AIM2: variants seen among roughly 807,000 people sequenced by gnomAD.
The protein encoded by AIM2 is interferon-inducible protein AIM2.
AIM2 carries 30 observed loss-of-function variants against 27.7 expected under a neutral mutation model. That is an observed-to-expected ratio of 1.08 (90% confidence interval 0.81 to 1.47). The LOEUF is 1.47. AIM2 is among the 40% of genes most tolerant of loss of function. AIM2 has a pLI of 0.00. For synonymous variants in AIM2, 141 were observed against 145.3 expected (o/e 0.97, Z 0.21); for missense variants, 358 against 411.3 (o/e 0.87, Z 1.12).
intron 1 of AIM2, among the ~76,000 whole-genome samples, chr1:159,111,374 T>C (rs941365517): frequency 1.3e-5 from 2 of 152,152 alleles, no homozygotes; most frequent in African/African-American, 4.8e-5. Context: ...TTAAAACTAG[T>C]TAGGTGGTGG....
At chr1:159,081,641 C>A, upstream of AIM2, 1 of 306,504 alleles carries the variant, frequency 3.3e-6, no homozygotes, top group South Asian at 3.3e-5. Flanking sequence ...ACCTTGGTAA[C>A]ACATTCAAAG....
At chr1:159,127,862 T>C (rs993961234) in intron 1 of AIM2, among the ~76,000 whole-genome samples, 1 of 152,214 alleles carries the variant, frequency 6.6e-6, no homozygotes, top group Non-Finnish European at 1.5e-5. Context: ...CACTTTGTTG[T>C]AGCAGCCCTT....
chr1:159,139,365 C>A (rs1012196383), intron 1 of AIM2, among the ~76,000 whole-genome samples: 3 of 152,226 alleles, frequency 2.0e-5, no homozygotes, highest in Admixed American at 1.3e-4. Context: ...GCTGAGCATT[C>A]AGACCCTTTC....
intron 1 of AIM2, among the ~76,000 whole-genome samples, chr1:159,116,006 T>C (rs1254682309): frequency 6.6e-6 from 1 of 151,940 alleles, no homozygotes; most frequent in Non-Finnish European, 1.5e-5. Context: ...AACAACCCCA[T>C]CAATAAGTGG....
intron 1 of AIM2, among the ~76,000 whole-genome samples, chr1:159,088,384 G>A (rs959187724): frequency 6.6e-6 from 1 of 152,172 alleles, no homozygotes; most frequent in East Asian, 1.9e-4. Context: ...CCCGATGTTT[G>A]CTGCTTCATA....
intron 1 of AIM2, among the ~76,000 whole-genome samples, chr1:159,114,769 G>T (rs940662426): frequency 1.3e-5 from 2 of 152,058 alleles, no homozygotes; most frequent in Non-Finnish European, 2.9e-5. Flanking sequence ...TTGAAAACTG[G>T]CACAAGACAG....
intron 1 of AIM2, among the ~76,000 whole-genome samples, chr1:159,112,126 C>T (rs1025661587): frequency 6.6e-5 from 10 of 151,984 alleles, no homozygotes; most frequent in East Asian, 3.9e-4. Context: ...TTAAACTTGC[C>T]GGTTAAAACA....
chr1:159,101,346 G>A (rs1657309040), intron 1 of AIM2, among the ~76,000 whole-genome samples: 1 of 152,124 alleles, frequency 6.6e-6, no homozygotes, highest in African/African-American at 2.4e-5. Flanking sequence ...TAAAATTCCT[G>A]AGGCCTCCCC....
chr1:159,072,331 C>T (rs1403666535), intron 2 of AIM2, among the ~76,000 whole-genome samples: 1 of 152,210 alleles, frequency 6.6e-6, no homozygotes, highest in Admixed American at 6.5e-5. Context: ...ATTTAGCCTT[C>T]CTATAACTCA....
chr1:159,123,177 C>A (rs1295371611), intron 1 of AIM2, among the ~76,000 whole-genome samples: 1 of 152,090 alleles, frequency 6.6e-6, no homozygotes, highest in Non-Finnish European at 1.5e-5. Flanking sequence ...TTATAGCTTA[C>A]AAGCCCTTTA....
intron 2 of AIM2, among the ~76,000 whole-genome samples, chr1:159,071,617 C>T (rs1003243016): frequency 6.6e-6 from 1 of 152,182 alleles, no homozygotes; most frequent in Non-Finnish European, 1.5e-5. Context: ...TCAAGTGATT[C>T]TCGTGCCTCA....
intron 1 of AIM2, among the ~76,000 whole-genome samples, chr1:159,137,905 C>T (rs776465094): frequency 4.6e-5 from 7 of 152,188 alleles, no homozygotes; most frequent in Non-Finnish European, 1.0e-4. Context: ...GTCAGCAGTG[C>T]AGCATGCCTG....
chr1:159,063,755 G>T, intron 4 of AIM2, 81 bp from the exon 5 acceptor site: 1 of 1,378,092 alleles, frequency 7.3e-7, no homozygotes, highest in Non-Finnish European at 1.0e-6. Flanking sequence ...CATGCCAGAA[G>T]AAGGCTCTAA....
At chr1:159,057,076 G>A in the AIM2 span, among the ~76,000 whole-genome samples, 1 of 152,292 alleles carries the variant, frequency 6.6e-6, no homozygotes, top group Non-Finnish European at 1.5e-5. Context: ...CATGGTACAT[G>A]AGGGAGAGAA....
At chr1:159,085,077 C>T (rs1458776355) in intron 1 of AIM2, among the ~76,000 whole-genome samples, 2 of 152,076 alleles carry the variant, frequency 1.3e-5, no homozygotes, top group African/African-American at 2.4e-5. Context: ...GTATGTACTT[C>T]GCAATTGCTG....
intron 1 of AIM2, among the ~76,000 whole-genome samples, chr1:159,114,046 A>C (rs760266481): frequency 6.6e-5 from 10 of 152,160 alleles, no homozygotes; most frequent in Non-Finnish European, 1.3e-4. Flanking sequence ...TATTAGCTTG[A>C]GAGTTCAGCC....
Position 159,066,227 on chromosome 1 carries a change from A to G in AIM2, c.499T>C (p.Phe167Leu). The G allele has an allele frequency of 1.2e-6, 2 of 1,614,150 alleles. No individual in the cohort carries two copies. Among genetic ancestry groups the G allele is most frequent in the Non-Finnish European group, 1.7e-6 (2 of 1,180,008 alleles). ...TCCTGCTTGCCTTCTTGGGTCTCAA[A>G]CGTGAAGGGCTTCTTTGCTTTCAGT... is the stretch of plus-strand genomic sequence containing the variant. The part of the protein sequence containing the change: ...MVLKAKKPFT[F>L]ETQEGKQEMF... Residue 167 changes from phenylalanine to leucine, a missense_variant, in exon 4 of 6, where the codon TTT becomes CTT. Phe to Leu is a conservative substitution (Grantham distance 22, BLOSUM62 0). Transcript: ENST00000368130.
chr1:159,058,139 A>G (rs1655716364), downstream of AIM2, among the ~76,000 whole-genome samples: 1 of 152,170 alleles, frequency 6.6e-6, no homozygotes, highest in African/African-American at 2.4e-5. Flanking sequence ...AGATCACTTG[A>G]GGTCAGGAGT....
chr1:159,117,071 C>T (rs967138800), intron 1 of AIM2, among the ~76,000 whole-genome samples: 1 of 151,818 alleles, frequency 6.6e-6, no homozygotes, highest in Non-Finnish European at 1.5e-5. Context: ...GAGTAAGTGG[C>T]CAGAAAATGG....
Sources: gnomAD v4.1 joint callset for allele counts (sites outside exome capture counted in the v4.1 genomes callset) on GRCh38, gnomAD v4.1.1 for gene constraint, MANE v1.5 for transcripts, NCBI Gene and HGNC (gene_info 2026-07-23, HGNC 2026-07-21) for gene names.